The following MACROD2 variants were observed in gnomAD, a reference collection of about 807,000 sequenced individuals.
MACROD2 encodes ADP-ribose glycohydrolase MACROD2.
A neutral mutation model predicts 70.4 loss-of-function variants in MACROD2; 36 were observed. That is an observed-to-expected ratio of 0.51 (90% CI 0.39 to 0.68). The LOEUF is 0.68. MACROD2 is among the 30% of genes least tolerant of loss of function. The pLI, the probability that MACROD2 is intolerant of heterozygous loss-of-function variation, is 0.00. For synonymous variants in MACROD2, 172 were observed against 178.8 expected (o/e 0.96, Z 0.30); for missense variants, 496 against 538.4 (o/e 0.92, Z 0.78).
chr20:15,765,012 CCA>C, intron 8 of MACROD2, among the ~76,000 whole-genome samples: 1 of 152,200 alleles, frequency 6.6e-6, no homozygotes, highest in Admixed American at 6.5e-5. Context: ...GCTTGGAAAA[CCA>C]CACACAACCC....
At chr20:15,699,338 G>A (rs976040403) in intron 8 of MACROD2, among the ~76,000 whole-genome samples, 2 of 152,114 alleles carry the variant, frequency 1.3e-5, no homozygotes, top group African/African-American at 4.8e-5. Context: ...TGCAGTAATT[G>A]TCTCTCTTCT....
At chr20:14,592,573 G>A (rs1030560557) in intron 4 of MACROD2, among the ~76,000 whole-genome samples, 1 of 152,086 alleles carries the variant, frequency 6.6e-6, no homozygotes, top group Non-Finnish European at 1.5e-5. Flanking sequence ...ACAGGCGCAG[G>A]CCACCATGAC....
At position 14,524,807 on chromosome 20, in the gene MACROD2, G is replaced by T. The variant is rs536299033; in HGVS notation, c.301+31299G>T. 2.6e-5 allele frequency among the ~76,000 whole-genome samples: 4 copies of T among 152,192 alleles called. No homozygotes were observed. The East Asian group carries it at 7.7e-4, about 29-fold the overall frequency. ...GCTAGCTTCCCCAGCCTCCTTCCTG[G>T]TCTTGAGCAGCATTCATGCGGAGTC... is the stretch of plus-strand genomic sequence containing the variant. On this transcript the variant is annotated intron_variant, in intron 4 of 17. Coordinates refer to ENST00000684519, the MANE Select transcript of MACROD2 (RefSeq NM_001351661.2).
chr20:14,780,033 G>A (rs539991735), intron 5 of MACROD2, among the ~76,000 whole-genome samples: 8 of 152,186 alleles, frequency 5.3e-5, no homozygotes, highest in African/African-American at 1.4e-4. Flanking sequence ...CTGAGGTTCA[G>A]AGAGGTTGAA....
At chr20:15,035,988 A>G (rs1198662889) in intron 5 of MACROD2, among the ~76,000 whole-genome samples, 5 of 151,948 alleles carry the variant, frequency 3.3e-5, no homozygotes, top group Non-Finnish European at 7.4e-5. Flanking sequence ...AGGGAAGGGG[A>G]ATGGGGGGAG....
At chr20:15,357,798 C>CTTTTTTTTTTTTTTTTTTTTTTTTT (rs200860242) in intron 6 of MACROD2, among the ~76,000 whole-genome samples, 1 of 135,636 alleles carries the variant, frequency 7.4e-6, no homozygotes. Context: ...TTCATTCATT[C>CTTTTTTTTTTTTTTTTTTTTTTTTT]TTTTTTTTTT....
chr20:14,096,047 AT>A (rs1569156965), intron 3 of MACROD2, among the ~76,000 whole-genome samples: 1 of 152,222 alleles, frequency 6.6e-6, no homozygotes, highest in East Asian at 1.9e-4. Flanking sequence ...CGTATTTACA[AT>A]CAGGTCTAGA....
At chr20:15,636,561 T>C (rs16996211) in intron 8 of MACROD2, among the ~76,000 whole-genome samples, 3 of 152,078 alleles carry the variant, frequency 2.0e-5, no homozygotes, top group Non-Finnish European at 2.9e-5. Flanking sequence ...TCACAGTGTT[T>C]ATATAGTCAG....
Position 15,006,139 on chromosome 20 carries a change from A to ATG in MACROD2, c.419-223800_419-223799insGT, listed in dbSNP as rs1254410663. 7.5e-3 allele frequency among the ~76,000 whole-genome samples: 710 copies of ATG among 95,042 alleles called. 3 individuals are homozygous for ATG. Among genetic ancestry groups the ATG allele is most frequent in the African/African-American group, 0.021 (526 of 25,120 alleles). 62.4% of individuals were successfully genotyped at this position (95,042 alleles called of 152,430 possible). A position where few individuals can be genotyped will look rare whatever the true frequency, so the allele number is the denominator to read the frequency against. ...CACAAAGAATGCATTTTATATATAT[A>ATG]TATGTGTGTGTGTGTGTGTGTGTGT... On this transcript the variant is annotated intron_variant, in intron 5 of 17. Coordinates refer to ENST00000684519, the MANE Select transcript of MACROD2 (RefSeq NM_001351661.2).
intron 9 of MACROD2, among the ~76,000 whole-genome samples, chr20:15,883,038 A>AC (rs1555790571): frequency 4.6e-5 from 7 of 151,788 alleles, no homozygotes; most frequent in South Asian, 2.1e-4. Context: ...CTTAAAAAAA[A>AC]AAACAAACAA....
At chr20:14,507,289 TA>T (rs1249768509) in intron 4 of MACROD2, among the ~76,000 whole-genome samples, 1 of 151,930 alleles carries the variant, frequency 6.6e-6, no homozygotes, top group Non-Finnish European at 1.5e-5. Flanking sequence ...ATATATGTTG[TA>T]AAAAAATATG....
chr20:15,707,650 G>A (rs1198873487), intron 8 of MACROD2, among the ~76,000 whole-genome samples: 1 of 152,068 alleles, frequency 6.6e-6, no homozygotes, highest in Non-Finnish European at 1.5e-5. Context: ...GAGCGTGGTG[G>A]CGGGTGCCTG....
intron 5 of MACROD2, among the ~76,000 whole-genome samples, chr20:15,064,348 G>C (rs1052016411): frequency 6.6e-6 from 1 of 152,098 alleles, no homozygotes; most frequent in Non-Finnish European, 1.5e-5. Flanking sequence ...AACGTCAGAC[G>C]GCATCTGCTC....
At chr20:15,011,067 A>C (rs2075079053) in intron 5 of MACROD2, among the ~76,000 whole-genome samples, 1 of 152,216 alleles carries the variant, frequency 6.6e-6, no homozygotes, top group Admixed American at 6.5e-5. Flanking sequence ...TGTGGCAGAC[A>C]GATTCAAATG....
intron 7 of MACROD2, among the ~76,000 whole-genome samples, chr20:15,469,036 T>C (rs2046931514): frequency 6.6e-6 from 1 of 152,174 alleles, no homozygotes; most frequent in Non-Finnish European, 1.5e-5. Flanking sequence ...ATAGAAGATA[T>C]TTAGGAGCTC....
intron 10 of MACROD2, among the ~76,000 whole-genome samples, chr20:15,925,678 C>T (rs1202805504): frequency 6.6e-6 from 1 of 152,172 alleles, no homozygotes; most frequent in East Asian, 1.9e-4. Context: ...TACCATTACA[C>T]AACACATATG....
At chr20:15,158,995 G>A (rs748427911) in intron 5 of MACROD2, among the ~76,000 whole-genome samples, 14 of 151,848 alleles carry the variant, frequency 9.2e-5, no homozygotes, top group Non-Finnish European at 1.8e-4. Context: ...AAATGCATAG[G>A]CCAGTATCTG....
At chr20:15,455,852 G>C (rs1022069986) in intron 7 of MACROD2, among the ~76,000 whole-genome samples, 20 of 151,958 alleles carry the variant, frequency 1.3e-4, no homozygotes. Context: ...ATTTTTTTAA[G>C]ATGGGAATTG....
chr20:14,804,142 T>G (rs2072611149), intron 5 of MACROD2, among the ~76,000 whole-genome samples: 1 of 152,112 alleles, frequency 6.6e-6, no homozygotes, highest in South Asian at 2.1e-4. Flanking sequence ...ACAATGATTT[T>G]TCACTTTTAA....
Sources: allele counts gnomAD v4.1 joint callset (sites outside exome capture counted in the v4.1 genomes callset), GRCh38; gene constraint gnomAD v4.1.1; transcripts MANE v1.5; gene names NCBI Gene and HGNC (gene_info 2026-07-23, HGNC 2026-07-21).